The following IQANK1 variants were observed in gnomAD, a reference collection of about 807,000 sequenced individuals.
IQANK1 encodes the protein IQ motif and ankyrin repeat domain-containing protein 1.
Under a neutral mutation model 22.6 loss-of-function variants are expected in IQANK1, and 30 were observed. The ratio of observed to expected loss-of-function variants is 1.33; its 90% CI spans 0.99 to 1.80. The LOEUF (loss-of-function observed/expected upper bound fraction) is 1.80, where lower values mean the gene tolerates loss of function less well. Ranked by LOEUF, IQANK1 falls within the 40% of genes most tolerant of loss-of-function variation. The probability of loss-of-function intolerance (pLI) is 0.00; values close to 1 mark genes in which losing one functional copy is unlikely to be tolerated. For missense variants in IQANK1, 275 were observed against 235.2 expected, an observed-to-expected ratio of 1.17 and a Z score of -1.11; for synonymous variants, 122 against 99.6, an observed-to-expected ratio of 1.23 and a Z score of -1.34.
chr8:143,743,198 C>T (rs1307914286), intron 3 of IQANK1: 6 of 366,828 alleles, frequency 1.6e-5, no homozygotes, highest in African/African-American at 6.4e-5. Context: ...CTCCCTCTTC[C>T]ACTGTTTTTG....
At chr8:143,776,341 A>AG (rs1563778618) in intron 7 of IQANK1, among the ~76,000 whole-genome samples, 2 of 149,290 alleles carry the variant, frequency 1.3e-5, no homozygotes, top group Admixed American at 6.6e-5. Context: ...AAAAAAAAAA[A>AG]AAAAGAAAAA....
At position 143,771,949 on chromosome 8, in the gene IQANK1, G is replaced by C. The variant is rs1246868742; in HGVS notation, c.455G>C (p.Arg152Pro). ...AAFDGDVGEI[R>P]AVLKEVEQLL... Reference sequence around the variant, plus strand: ...TTCGACGGGGACGTGGGCGAGATCCGGGCGGTGCTGAAGGAGGTCAGCGGG... The same window carrying C: ...TTCGACGGGGACGTGGGCGAGATCCCGGCGGTGCTGAAGGAGGTCAGCGGG... The change falls in exon 5 of 14, where the codon CGG becomes CCG. Residue 152 changes from arginine to proline, a missense_variant. Arg to Pro is a moderately radical substitution (Grantham distance 103). Transcript: ENST00000527139. This position sits in a 1 kb window ranked among gnomAD's most constrained non-coding sequence, Gnocchi z 6.0. 9.4e-6 allele frequency: 3 copies of C among 319,656 alleles called. No individual in the cohort carries two copies. The highest frequency in any genetic ancestry group is 1.5e-4 in the South Asian group (1 of 6,806). 19.8% of individuals were successfully genotyped at this position (319,656 alleles called of 1,614,324 possible).
intron 7 of IQANK1, among the ~76,000 whole-genome samples, chr8:143,785,558 TTTTA>T (rs2129949722): frequency 6.6e-6 from 1 of 151,440 alleles, no homozygotes; most frequent in African/African-American, 2.4e-5. Flanking sequence ...ACCCAGCCTT[TTTTA>T]TTTTTTATTT....
chr8:143,787,416 C>T (rs6558392), intron 7 of IQANK1, among the ~76,000 whole-genome samples: 151,629 of 151,812 alleles, frequency 1, 75,723 homozygotes, highest in Non-Finnish European at 1. Context: ...AGGCCCCCTA[C>T]ACTGCCCCTT....
At chr8:143,745,424 CT>C (rs372739878) in intron 3 of IQANK1, 7 of 150,166 alleles carry the variant, frequency 4.7e-5, no homozygotes, top group East Asian at 3.9e-4. Context: ...GCATTTCTTC[CT>C]TTTTTTTTTC....
intron 2 of IQANK1, among the ~76,000 whole-genome samples, chr8:143,737,155 G>A (rs933064507): frequency 4.6e-5 from 7 of 152,226 alleles, no homozygotes; most frequent in African/African-American, 7.2e-5. Flanking sequence ...CACAGGTGCC[G>A]CATGCTGCTT....
chr8:143,753,000 T>A (rs1447605554), intron 3 of IQANK1, among the ~76,000 whole-genome samples: 1 of 131,664 alleles, frequency 7.6e-6, no homozygotes, highest in Non-Finnish European at 1.6e-5. Context: ...CTGTTCGTTT[T>A]TTTTTTTTTT....
intron 3 of IQANK1, among the ~76,000 whole-genome samples, chr8:143,750,966 G>GTGTTTTT (rs1554627959): frequency 6.6e-6 from 1 of 150,596 alleles, no homozygotes; most frequent in African/African-American, 2.4e-5. Context: ...GTGTGTGTGT[G>GTGTTTTT]TTTTTTTGTA....
chr8:143,743,614 G>C (rs559322329), intron 3 of IQANK1, among the ~76,000 whole-genome samples: 52 of 152,274 alleles, frequency 3.4e-4, no homozygotes, highest in Non-Finnish European at 5.6e-4. Flanking sequence ...GAAATGTATC[G>C]TGTTGGGTGT....
chr8:143,743,189 T>A, intron 3 of IQANK1: 1 of 373,318 alleles, frequency 2.7e-6, no homozygotes, highest in Non-Finnish European at 5.3e-6. Flanking sequence ...CACTTCTGCC[T>A]CCCTCTTCCA....
At chr8:143,770,348 C>G (rs1026929890) in intron 3 of IQANK1, among the ~76,000 whole-genome samples, 1 of 152,180 alleles carries the variant, frequency 6.6e-6, no homozygotes, top group Non-Finnish European at 1.5e-5. Context: ...GCATCCTAGA[C>G]GCACGTTATT....
chr8:143,768,500 G>C (rs998910409), intron 3 of IQANK1, among the ~76,000 whole-genome samples: 1 of 152,074 alleles, frequency 6.6e-6, no homozygotes, highest in Non-Finnish European at 1.5e-5. Context: ...CCACTGAAAC[G>C]TGCGCCGGCG....
chr8:143,751,664 G>GTGTGTGTGTATATATATATATATATA (rs370428606), intron 3 of IQANK1, among the ~76,000 whole-genome samples: 8 of 61,548 alleles, frequency 1.3e-4, no homozygotes, highest in Admixed American at 2.7e-4. Flanking sequence ...GTGTGTGTGT[G>GTGTGTGTGTATATATATATATATATA]TATATATATA....
intron 3 of IQANK1, among the ~76,000 whole-genome samples, chr8:143,766,711 T>C (rs532183502): frequency 1.3e-4 from 20 of 152,214 alleles, no homozygotes; most frequent in Admixed American, 6.5e-4. Context: ...GATTTTAACA[T>C]GTTTTCTTTT....
chr8:143,778,064 G>A (rs1447180997), intron 7 of IQANK1, among the ~76,000 whole-genome samples: 4 of 152,074 alleles, frequency 2.6e-5, no homozygotes, highest in Non-Finnish European at 5.9e-5. Context: ...GCATCGTAGC[G>A]GGCGCCTGTA....
chr8:143,764,751 T>C (rs1391637532), intron 3 of IQANK1, among the ~76,000 whole-genome samples: 4 of 152,230 alleles, frequency 2.6e-5, no homozygotes, highest in African/African-American at 9.6e-5. Flanking sequence ...GAGAATGTTA[T>C]AACAGCAGAG....
At chr8:143,786,064 TG>T (rs1554631323) in intron 7 of IQANK1, among the ~76,000 whole-genome samples, 1 of 152,070 alleles carries the variant, frequency 6.6e-6, no homozygotes, top group African/African-American at 2.4e-5. Context: ...GATTTTGCCA[TG>T]TTGCCCAGGC....
intron 9 of IQANK1, 47 bp from the exon 10 acceptor site, chr8:143,789,389 G>C: frequency 9.4e-7 from 1 of 1,063,644 alleles, no homozygotes; most frequent in Non-Finnish European, 1.2e-6. Context: ...GACCTGGTCG[G>C]AGGATACTGG....
intron 3 of IQANK1, among the ~76,000 whole-genome samples, chr8:143,769,894 T>C (rs1455518217): frequency 6.6e-6 from 1 of 152,222 alleles, no homozygotes; most frequent in Non-Finnish European, 1.5e-5. Flanking sequence ...CTGCAGAATT[T>C]TGTGGACACT....
Sources: allele counts gnomAD v4.1 joint callset (sites outside exome capture counted in the v4.1 genomes callset), GRCh38; gene constraint gnomAD v4.1.1; non-coding constraint Gnocchi (gnomAD v3.1); transcripts MANE v1.5; gene names NCBI Gene and HGNC (gene_info 2026-07-23, HGNC 2026-07-21).